AOPEP: variants seen among roughly 807,000 people sequenced by gnomAD.
AOPEP encodes the protein aminopeptidase O (putative).
In AOPEP, 77 loss-of-function variants were observed where a neutral mutation model predicts 98.1. The ratio of observed to expected loss-of-function variants is 0.78; its 90% CI spans 0.65 to 0.95. The LOEUF (loss-of-function observed/expected upper bound fraction) is 0.95. AOPEP is among the 40% of genes least tolerant of loss of function. The pLI, the probability that AOPEP is intolerant of heterozygous loss-of-function variation, is 0.00. For missense variants in AOPEP, 1,024 were observed against 1,024.7 expected (o/e 1.00, Z 0.01); for synonymous variants, 346 against 365.3 (o/e 0.95, Z 0.60).
intron 1 of AOPEP, among the ~76,000 whole-genome samples, chr9:94,746,309 A>G (rs1485038928): frequency 6.6e-6 from 1 of 151,978 alleles, no homozygotes; most frequent in Non-Finnish European, 1.5e-5. Flanking sequence ...GGTTAAGAAC[A>G]CTCTGGAGTT....
chr9:95,140,533 G>C, the AOPEP span, among the ~76,000 whole-genome samples: 1 of 152,140 alleles, frequency 6.6e-6, no homozygotes, highest in Non-Finnish European at 1.5e-5. Flanking sequence ...TCACAAGAAA[G>C]GTTCTTGATG....
intron 11 of AOPEP, among the ~76,000 whole-genome samples, chr9:94,988,090 A>G (rs2060634801): frequency 1.3e-5 from 2 of 152,164 alleles, no homozygotes; most frequent in Non-Finnish European, 2.9e-5. Context: ...TTCTGACTGA[A>G]CTTTCAGGTC....
At chr9:95,128,621 T>C in the AOPEP span, among the ~76,000 whole-genome samples, 97 of 152,318 alleles carry the variant, frequency 6.4e-4, 1 homozygote, top group Admixed American at 6.5e-5. Flanking sequence ...CTCAGTTTGT[T>C]AGAAGAGAGT....
intron 16 of AOPEP, chr9:95,085,374 G>A: frequency 2.0e-6 from 1 of 496,888 alleles, no homozygotes; most frequent in Non-Finnish European, 4.2e-6. Flanking sequence ...GCTCTTCTTT[G>A]GAAACAAAAG....
chr9:94,798,087 C>T (rs1847424955), intron 4 of AOPEP, among the ~76,000 whole-genome samples: 1 of 152,090 alleles, frequency 6.6e-6, no homozygotes, highest in African/African-American at 2.4e-5. Flanking sequence ...AAAAAGAAGC[C>T]CCAGATACTG....
intron 11 of AOPEP, among the ~76,000 whole-genome samples, chr9:94,990,985 C>G (rs771367747): frequency 1.3e-5 from 2 of 152,214 alleles, no homozygotes; most frequent in Non-Finnish European, 2.9e-5. Context: ...AGGTAAAGCC[C>G]GGCAAAGCAG....
At chr9:95,063,394 C>T (rs1313101805) in intron 14 of AOPEP, among the ~76,000 whole-genome samples, 8 of 152,206 alleles carry the variant, frequency 5.3e-5, no homozygotes, top group Non-Finnish European at 1.2e-4. Flanking sequence ...CCATGACTGA[C>T]CTTCAGGCAG....
chr9:94,949,518 C>T (rs2137794015), intron 7 of AOPEP, among the ~76,000 whole-genome samples: 1 of 152,302 alleles, frequency 6.6e-6, no homozygotes, highest in East Asian at 1.9e-4. Context: ...TAGCAATTGC[C>T]TTTTTCAACA....
the AOPEP span, among the ~76,000 whole-genome samples, chr9:95,096,899 G>A: frequency 1.3e-5 from 2 of 152,262 alleles, no homozygotes; most frequent in African/African-American, 4.8e-5. Context: ...ACAACCGTTA[G>A]TGTCTGTGTC....
intron 9 of AOPEP, among the ~76,000 whole-genome samples, chr9:94,964,341 C>T (rs186723482): frequency 3.4e-4 from 52 of 152,232 alleles, no homozygotes; most frequent in Admixed American, 1.7e-3. Flanking sequence ...GCAGGGTTTC[C>T]GGGGCCTCCT....
chr9:95,022,418 A>T (rs1237738680), intron 13 of AOPEP: 1 of 152,016 alleles, frequency 6.6e-6, no homozygotes, highest in Non-Finnish European at 1.5e-5. Flanking sequence ...GTTCACTGCA[A>T]CCTCCACCTC....
chr9:94,859,831 C>G (rs1396450334), intron 5 of AOPEP, among the ~76,000 whole-genome samples: 1 of 152,180 alleles, frequency 6.6e-6, no homozygotes, highest in East Asian at 1.9e-4. Flanking sequence ...CTGTAAATGA[C>G]AGGCACTATT....
intron 13 of AOPEP, among the ~76,000 whole-genome samples, chr9:95,013,087 G>A (rs2062689487): frequency 6.7e-6 from 1 of 149,384 alleles, no homozygotes; most frequent in Non-Finnish European, 1.5e-5. Flanking sequence ...CTAATCATGT[G>A]TCCCTTGAGT....
chr9:94,852,064 G>A (rs554751494), intron 5 of AOPEP, among the ~76,000 whole-genome samples: 4 of 152,194 alleles, frequency 2.6e-5, no homozygotes, highest in African/African-American at 9.6e-5. Flanking sequence ...TAGCCCTGAC[G>A]AGAGATGAAC....
chr9:94,948,328 C>T (rs1338487231), intron 7 of AOPEP, among the ~76,000 whole-genome samples: 6 of 151,898 alleles, frequency 4.0e-5, no homozygotes, highest in South Asian at 2.1e-4. Context: ...ATATGCTCAC[C>T]GTTGCATGCT....
intron 16 of AOPEP, among the ~76,000 whole-genome samples, chr9:95,083,495 CCACACAGAG>C (rs1427866183): frequency 1.3e-5 from 2 of 149,070 alleles, no homozygotes; most frequent in Non-Finnish European, 3.0e-5. Context: ...AGCACACACA[CCACACAGAG>C]CACCTGGAGC....
chr9:95,052,672 C>G (rs781400071), intron 13 of AOPEP, among the ~76,000 whole-genome samples: 1 of 152,144 alleles, frequency 6.6e-6, no homozygotes, highest in Non-Finnish European at 1.5e-5. Context: ...TAATCCTACA[C>G]AGACCATCTG....
intron 5 of AOPEP, among the ~76,000 whole-genome samples, chr9:94,901,341 C>T (rs556066462): frequency 3.9e-5 from 6 of 152,052 alleles, no homozygotes; most frequent in Non-Finnish European, 7.4e-5. Context: ...AATGTAGCGG[C>T]TTTAATCACC....
At chr9:95,075,271 AAATAT>A (rs2068929138) in intron 14 of AOPEP, among the ~76,000 whole-genome samples, 1 of 152,238 alleles carries the variant, frequency 6.6e-6, no homozygotes, top group African/African-American at 2.4e-5. Context: ...TTGACAATAG[AAATAT>A]AATAAAATGT....
Sources: gnomAD v4.1 joint callset for allele counts (sites outside exome capture counted in the v4.1 genomes callset) on GRCh38, gnomAD v4.1.1 for gene constraint, MANE v1.5 for transcripts, NCBI Gene and HGNC (gene_info 2026-07-23, HGNC 2026-07-21) for gene names.